Variants in ASIC2 observed in about 807,000 individuals in gnomAD.
The protein encoded by ASIC2 is acid-sensing ion channel 2.
A neutral mutation model predicts 57.3 loss-of-function variants in ASIC2; 25 were observed. The observed-to-expected ratio is 0.44, with a 90% CI of 0.32 to 0.61. The LOEUF (loss-of-function observed/expected upper bound fraction) is 0.61. Ranked by LOEUF, ASIC2 falls within the 20% of genes least tolerant of loss-of-function variation. The pLI, the probability that ASIC2 is intolerant of heterozygous loss-of-function variation, is 0.06. For synonymous variants in ASIC2, 319 were observed against 307.5 expected (o/e 1.04, Z -0.39); for missense variants, 641 against 738.1 (o/e 0.87, Z 1.52).
intron 1 of ASIC2, among the ~76,000 whole-genome samples, chr17:34,044,392 A>C (rs1908259773): frequency 6.6e-6 from 1 of 152,210 alleles, no homozygotes; most frequent in African/African-American, 2.4e-5. Flanking sequence ...AATAAAATTA[A>C]AAAGTCAAAT....
At chr17:33,575,821 G>C (rs1430549962) in intron 1 of ASIC2, among the ~76,000 whole-genome samples, 4 of 152,126 alleles carry the variant, frequency 2.6e-5, no homozygotes, top group African/African-American at 9.7e-5. Context: ...CTTCAAAAGA[G>C]GGAGTACAGA....
chr17:33,605,690 T>TA (rs1431010638), intron 1 of ASIC2, among the ~76,000 whole-genome samples: 1 of 152,146 alleles, frequency 6.6e-6, no homozygotes, highest in Non-Finnish European at 1.5e-5. Context: ...TTGCATGTAG[T>TA]AAAAAAACAC....
chr17:34,095,647 ATATATATAATTT>A (rs1567818934), intron 1 of ASIC2, among the ~76,000 whole-genome samples: 16 of 100,966 alleles, frequency 1.6e-4, no homozygotes, highest in African/African-American at 7.0e-4. Context: ...ATATATATAT[ATATATATAATTT>A]TATATATATA....
chr17:33,600,095 C>A (rs898125021), intron 1 of ASIC2, among the ~76,000 whole-genome samples: 2 of 152,216 alleles, frequency 1.3e-5, no homozygotes, highest in Non-Finnish European at 2.9e-5. Flanking sequence ...GTCATCTTGT[C>A]TCTGCACAGC....
At chr17:33,028,126 C>A (rs969750519) in intron 4 of ASIC2, 116 bp downstream of exon 4, 2 of 1,387,684 alleles carry the variant, frequency 1.4e-6, no homozygotes, top group African/African-American at 2.9e-5. Flanking sequence ...CTTCCCAGAA[C>A]ATCATCCTTT....
chr17:33,219,560 A>G (rs768059178), intron 1 of ASIC2, among the ~76,000 whole-genome samples: 6 of 152,204 alleles, frequency 3.9e-5, no homozygotes, highest in Non-Finnish European at 8.8e-5. Context: ...CAAATGAGAA[A>G]ACCAAAAATT....
intron 1 of ASIC2, among the ~76,000 whole-genome samples, chr17:33,568,450 C>T (rs1452092133): frequency 6.6e-6 from 1 of 152,198 alleles, no homozygotes; most frequent in Non-Finnish European, 1.5e-5. Flanking sequence ...ACTTCCACAT[C>T]TTGCAACTAA....
intron 1 of ASIC2, among the ~76,000 whole-genome samples, chr17:33,911,891 A>G (rs1210360089): frequency 1.3e-5 from 2 of 152,124 alleles, no homozygotes; most frequent in African/African-American, 4.8e-5. Context: ...CTGTAATCCC[A>G]GCAGTTTGGG....
At chr17:34,079,450 G>T (rs1909797735) in intron 1 of ASIC2, among the ~76,000 whole-genome samples, 1 of 152,128 alleles carries the variant, frequency 6.6e-6, no homozygotes, top group African/African-American at 2.4e-5. Flanking sequence ...TATCCTTTCA[G>T]GGAAGGCTTC....
At position 33,044,218 on chromosome 17, in the gene ASIC2, T is replaced by A. The variant is rs145745016; in HGVS notation, c.988-15826A>T. Among the ~76,000 whole-genome samples, 892 of 151,984 alleles carry A rather than the reference T, an allele frequency of 5.9e-3. 9 individuals carry two copies. Among genetic ancestry groups the A allele is most frequent in the African/African-American group, 0.017 (709 of 41,452 alleles). ...AGTTTTGTTTCCATCTGTCCATCCA[T>A]CCACCCACCCACCCATTATCTGTCC... On this transcript the variant is annotated intron_variant, in intron 3 of 9. Coordinates refer to ENST00000225823, the MANE Select transcript of ASIC2 (RefSeq NM_183377.2).
chr17:33,744,282 A>G (rs1401327039), intron 1 of ASIC2, among the ~76,000 whole-genome samples: 2 of 152,202 alleles, frequency 1.3e-5, no homozygotes, highest in Non-Finnish European at 2.9e-5. Context: ...AATGGACCAA[A>G]CTGCTGAGCA....
chr17:33,096,071 G>T (rs912772888), intron 2 of ASIC2, among the ~76,000 whole-genome samples: 1 of 152,180 alleles, frequency 6.6e-6, no homozygotes, highest in Non-Finnish European at 1.5e-5. Context: ...TGCCTGTGTG[G>T]GTGTGCATGC....
chr17:33,198,011 T>C (rs1906707307), intron 1 of ASIC2, among the ~76,000 whole-genome samples: 1 of 152,202 alleles, frequency 6.6e-6, no homozygotes, highest in South Asian at 2.1e-4. Context: ...TATTTAACCT[T>C]GTAATACTGG....
intron 3 of ASIC2, among the ~76,000 whole-genome samples, chr17:33,037,287 C>T (rs1304101997): frequency 6.6e-6 from 1 of 151,668 alleles, no homozygotes; most frequent in Non-Finnish European, 1.5e-5. Flanking sequence ...AAACTCGTTT[C>T]TCTTCTACTA....
chr17:33,225,022 C>A (rs970432653), intron 1 of ASIC2, among the ~76,000 whole-genome samples: 3 of 152,176 alleles, frequency 2.0e-5, no homozygotes, highest in Non-Finnish European at 4.4e-5. Flanking sequence ...TCCACCCACT[C>A]CCATCTCTGC....
At chr17:33,595,641 AT>A (rs1221727695) in intron 1 of ASIC2, among the ~76,000 whole-genome samples, 2 of 152,222 alleles carry the variant, frequency 1.3e-5, no homozygotes, top group Non-Finnish European at 2.9e-5. Flanking sequence ...TTAAATCTTT[AT>A]TTTATGACCA....
At chr17:33,724,626 G>A (rs2142085937) in intron 1 of ASIC2, among the ~76,000 whole-genome samples, 1 of 152,304 alleles carries the variant, frequency 6.6e-6, no homozygotes, top group South Asian at 2.1e-4. Context: ...TTTGGCCTGT[G>A]CACTTGGCAG....
chr17:33,545,711 C>T (rs1282508953), intron 1 of ASIC2, among the ~76,000 whole-genome samples: 1 of 152,146 alleles, frequency 6.6e-6, no homozygotes, highest in East Asian at 1.9e-4. Flanking sequence ...TCAATCAGTC[C>T]TATTTATTAT....
At chr17:33,963,236 A>G (rs746601282) in intron 1 of ASIC2, among the ~76,000 whole-genome samples, 1 of 151,946 alleles carries the variant, frequency 6.6e-6, no homozygotes, top group African/African-American at 2.4e-5. Context: ...CAGCCTCCCC[A>G]TCTCATTTCT....
Sources: gnomAD v4.1 joint callset for allele counts (sites outside exome capture counted in the v4.1 genomes callset) on GRCh38, gnomAD v4.1.1 for gene constraint, MANE v1.5 for transcripts, NCBI Gene and HGNC (gene_info 2026-07-23, HGNC 2026-07-21) for gene names.